The following PAPSS1 variants were observed in gnomAD, a reference collection of about 807,000 sequenced individuals.
PAPSS1 encodes the protein bifunctional 3'-phosphoadenosine 5'-phosphosulfate synthase 1.
A neutral mutation model predicts 72.0 loss-of-function variants in PAPSS1; 50 were observed. The observed-to-expected ratio is 0.69, with a 90% CI of 0.55 to 0.88. The LOEUF is 0.88. PAPSS1 is among the 40% of genes least tolerant of loss of function. The pLI, the probability that PAPSS1 is intolerant of heterozygous loss-of-function variation, is 0.00. For synonymous variants in PAPSS1, 261 were observed against 263.6 expected (o/e 0.99, Z 0.09); for missense variants, 657 against 782.2 (o/e 0.84, Z 1.91).
rs564679761 is a variant in PAPSS1, at chr4:107,658,794, T to C, written c.783+1165A>G. On this transcript the variant is annotated intron_variant, in intron 6 of 11. Coordinates refer to ENST00000265174, the MANE Select transcript of PAPSS1 (RefSeq NM_005443.5). ...AATTCTAGATGGTATCTGTTAGGGA[T>C]TGAATGTCTGTGTCCTCTCAAAATT... Among the ~76,000 whole-genome samples, 5 of 152,284 alleles carry C rather than the reference T, an allele frequency of 3.3e-5. No homozygotes were observed. In the South Asian group the frequency reaches 6.2e-4, roughly 19 times the overall value.
At chr4:107,649,960 C>A (rs1288342445) in intron 9 of PAPSS1, among the ~76,000 whole-genome samples, 1 of 152,200 alleles carries the variant, frequency 6.6e-6, no homozygotes, top group African/African-American at 2.4e-5. Flanking sequence ...AAATGTATCA[C>A]CTTGCAATCA....
chr4:107,694,201 C>G lies in PAPSS1; in HGVS notation c.176-195G>C, dbSNP rs572225613. ...TCAGCCTTCCAAATAGCTAGGACAA[C>G]AGGCACATGCCACCACATCCAACTT... On this transcript the variant is annotated intron_variant, in intron 2 of 11. Transcript: ENST00000265174. 8.3e-5 allele frequency: 45 copies of G among 540,452 alleles called. No individual in the cohort carries two copies. In the East Asian group the frequency reaches 1.2e-3, roughly 14 times the overall value. The allele number at this position is 540,452 out of a possible 1,614,324, so 33.5% of individuals were successfully genotyped here. A position where few individuals can be genotyped will look rare whatever the true frequency, so the allele number is the denominator to read the frequency against.
At chr4:107,639,178 C>T (rs1379081968) in intron 10 of PAPSS1, among the ~76,000 whole-genome samples, 1 of 143,450 alleles carries the variant, frequency 7.0e-6, no homozygotes, top group Non-Finnish European at 1.5e-5. Context: ...AAAAAAATGA[C>T]ATTTTTTCCC....
At chr4:107,654,961 C>T in intron 7 of PAPSS1, 61 bp from the exon 8 acceptor site, 2 of 1,252,100 alleles carry the variant, frequency 1.6e-6, no homozygotes, top group Non-Finnish European at 2.3e-6. Flanking sequence ...CTTTACTTAA[C>T]ACCCACCTTT....
chr4:107,710,407 A>T (rs913173363), intron 1 of PAPSS1, among the ~76,000 whole-genome samples: 1 of 152,136 alleles, frequency 6.6e-6, no homozygotes, highest in Non-Finnish European at 1.5e-5. Flanking sequence ...TTTGTTATTT[A>T]TGTACCATTA....
At chr4:107,677,079 A>T (rs1161982523) in intron 5 of PAPSS1, among the ~76,000 whole-genome samples, 1 of 152,180 alleles carries the variant, frequency 6.6e-6, no homozygotes, top group African/African-American at 2.4e-5. Context: ...AACCATAAAA[A>T]CCCTAGAAGA....
At chr4:107,628,943 C>A (rs981288772) in intron 11 of PAPSS1, among the ~76,000 whole-genome samples, 4 of 152,136 alleles carry the variant, frequency 2.6e-5, no homozygotes, top group Admixed American at 6.5e-5. Flanking sequence ...AGTGTACTAC[C>A]TATAGATGAA....
At chr4:107,705,439 G>A (rs951285105) in intron 1 of PAPSS1, among the ~76,000 whole-genome samples, 5 of 152,184 alleles carry the variant, frequency 3.3e-5, no homozygotes, top group Non-Finnish European at 7.3e-5. Context: ...CATGTAAGAT[G>A]TGCCCTGCTT....
intron 5 of PAPSS1, among the ~76,000 whole-genome samples, chr4:107,671,384 A>G (rs1331486052): frequency 1.3e-5 from 2 of 151,948 alleles, no homozygotes; most frequent in African/African-American, 4.8e-5. Context: ...AGAAGTGATT[A>G]TGAATTTAAA....
chr4:107,630,876 G>T (rs573270668), intron 11 of PAPSS1, among the ~76,000 whole-genome samples: 1 of 152,116 alleles, frequency 6.6e-6, no homozygotes, highest in East Asian at 1.9e-4. Context: ...GAAAATACAA[G>T]TTGAGCACCC....
intron 3 of PAPSS1, among the ~76,000 whole-genome samples, chr4:107,692,361 AT>A (rs375788170): frequency 3.3e-5 from 5 of 152,236 alleles, no homozygotes; most frequent in African/African-American, 1.2e-4. Context: ...GAAGACATAC[AT>A]GCAGCCAACA....
chr4:107,620,050 T>C (rs1032117293), intron 11 of PAPSS1, among the ~76,000 whole-genome samples: 4 of 152,218 alleles, frequency 2.6e-5, no homozygotes, highest in Admixed American at 6.5e-5. Context: ...TACATGGCCA[T>C]CAGAGCCACC....
intron 9 of PAPSS1, 47 bp downstream of exon 9, chr4:107,653,444 T>C: frequency 6.4e-7 from 1 of 1,564,218 alleles, no homozygotes; most frequent in Non-Finnish European, 8.7e-7. Flanking sequence ...CGTCTAGAAC[T>C]TTCTCTCCAA....
intron 1 of PAPSS1, among the ~76,000 whole-genome samples, chr4:107,719,281 C>T (rs1723714796): frequency 6.6e-6 from 1 of 150,932 alleles, no homozygotes; most frequent in Non-Finnish European, 1.5e-5. Flanking sequence ...AATAACGTTT[C>T]CGTCTAAACT....
chr4:107,665,492 T>TA (rs1326008144), intron 5 of PAPSS1, among the ~76,000 whole-genome samples: 10 of 152,216 alleles, frequency 6.6e-5, no homozygotes, highest in African/African-American at 2.2e-4. Flanking sequence ...AAATGTCCTT[T>TA]AAAACACAAA....
intron 10 of PAPSS1, among the ~76,000 whole-genome samples, chr4:107,638,256 G>A (rs531056974): frequency 2.0e-5 from 3 of 152,086 alleles, no homozygotes; most frequent in Non-Finnish European, 4.4e-5. Flanking sequence ...CATCTTGTAG[G>A]AAAGAATTAA....
chr4:107,620,273 C>T (rs1427146059), intron 11 of PAPSS1, among the ~76,000 whole-genome samples: 2 of 152,106 alleles, frequency 1.3e-5, no homozygotes, highest in East Asian at 3.8e-4. Flanking sequence ...AACTTGAAAG[C>T]GGGTTACATC....
intron 9 of PAPSS1, among the ~76,000 whole-genome samples, chr4:107,651,927 A>G (rs1726849646): frequency 1.3e-5 from 2 of 152,218 alleles, no homozygotes; most frequent in South Asian, 2.1e-4. Flanking sequence ...CTTAGAGAGA[A>G]AAGTAATTTC....
intron 9 of PAPSS1, among the ~76,000 whole-genome samples, chr4:107,648,189 C>T (rs534536720): frequency 6.6e-6 from 1 of 152,148 alleles, no homozygotes; most frequent in Non-Finnish European, 1.5e-5. Flanking sequence ...CCTTTCCTTC[C>T]AGCAGGTAGA....
Sources: gnomAD v4.1 joint callset for allele counts (sites outside exome capture counted in the v4.1 genomes callset) on GRCh38, gnomAD v4.1.1 for gene constraint, MANE v1.5 for transcripts, NCBI Gene and HGNC (gene_info 2026-07-23, HGNC 2026-07-21) for gene names.